The following ZNF652 variants were observed in gnomAD, a reference collection of about 807,000 sequenced individuals.
ZNF652 encodes the protein zinc finger protein 652.
ZNF652 carries 16 observed loss-of-function variants against 45.2 expected under a neutral mutation model. That is an observed-to-expected ratio of 0.35 (90% CI 0.24 to 0.54). ZNF652 has a LOEUF of 0.54. Among genes scored for constraint, ZNF652 ranks in the 20% least tolerant of loss-of-function variants. ZNF652 has a pLI of 0.91. For missense variants in ZNF652, 614 were observed against 765.6 expected (o/e 0.80, Z 2.34); for synonymous variants, 250 against 260.6 (o/e 0.96, Z 0.39).
At chr17:49,299,085 C>T (rs1488255597) in intron 5 of ZNF652, among the ~76,000 whole-genome samples, 161 bp from the exon 6 acceptor site, 17 of 151,110 alleles carry the variant, frequency 1.1e-4, no homozygotes, top group Admixed American at 8.6e-4. Flanking sequence ...CAAAGTGCTG[C>T]GATTACAGGT....
At chr17:49,337,197 G>A (rs2143868157) in intron 1 of ZNF652, among the ~76,000 whole-genome samples, 1 of 151,706 alleles carries the variant, frequency 6.6e-6, no homozygotes, top group East Asian at 1.9e-4. Flanking sequence ...TTAGCCAGGT[G>A]TGGTGGTGCA....
chr17:49,330,541 G>A (rs2070011974), intron 1 of ZNF652, among the ~76,000 whole-genome samples: 1 of 151,842 alleles, frequency 6.6e-6, no homozygotes, highest in Non-Finnish European at 1.5e-5. Context: ...TAGAGATGGG[G>A]TTTCACTATG....
chr17:49,341,929 T>C (rs2070151460), intron 1 of ZNF652, among the ~76,000 whole-genome samples: 1 of 152,164 alleles, frequency 6.6e-6, no homozygotes, highest in African/African-American at 2.4e-5. Flanking sequence ...CTCACGCCTG[T>C]AATCCCAGCA....
In ZNF652 at chr17:49,298,161, T is replaced by C. The variant is rs750710484; in HGVS notation, c.*252A>G. 3.1e-5 allele frequency: 16 copies of C among 518,724 alleles called. No homozygotes were observed. Among genetic ancestry groups the C allele is most frequent in the Non-Finnish European group, 5.1e-5 (15 of 293,620 alleles). 32.1% of individuals were successfully genotyped at this position (518,724 alleles called of 1,614,324 possible). Reference sequence around the variant, plus strand: ...CACAAGTCTGAGTATTTGAAACTTATAAAAGTCATCAGAAAATGCAAGCAA... The same window carrying C: ...CACAAGTCTGAGTATTTGAAACTTACAAAAGTCATCAGAAAATGCAAGCAA... On this transcript the variant is annotated 3_prime_UTR_variant, in exon 6 of 6. Coordinates refer to ENST00000430262, the MANE Select transcript of ZNF652 (RefSeq NM_001145365.3).
intron 1 of ZNF652, among the ~76,000 whole-genome samples, chr17:49,339,246 G>A (rs1413760019): frequency 7.7e-6 from 1 of 130,262 alleles, no homozygotes; most frequent in Non-Finnish European, 1.6e-5. Flanking sequence ...CTGTCGCCTA[G>A]GCTTGGAGTG....
At position 49,298,597 on chromosome 17, in the gene ZNF652, G is replaced by C; in HGVS notation, c.1637C>G (p.Pro546Arg). ...TGGGTGGATGTGCAGGTGTGAGAAGGGGTGGGGGATGGGCCGAGGGGGAAG... is the reference window on the plus strand; with the variant it reads ...TGGGTGGATGTGCAGGTGTGAGAAGCGGTGGGGGATGGGCCGAGGGGGAAG... ...STLPPRPIPHPFSHLHIHPHP... is the reference protein window; with the variant it reads ...STLPPRPIPHRFSHLHIHPHP... Residue 546 changes from proline (P) to arginine (R), a missense_variant, in exon 6 of 6, where the codon CCC (proline) becomes CGC (arginine). This residue lies in a region of ZNF652 where 132 missense variants were observed against 137.2 expected (regional missense o/e 0.96). Coordinates refer to ENST00000430262, the MANE Select transcript of ZNF652 (RefSeq NM_001145365.3). 1.2e-6 allele frequency: 2 copies of C among 1,612,896 alleles called. No homozygotes were observed. Among genetic ancestry groups the C allele is most frequent in the South Asian group, 1.1e-5 (1 of 90,964 alleles).
chr17:49,293,117 A>G lies in ZNF652; in HGVS notation c.*5296T>C, dbSNP rs1567907788. On this transcript the variant is annotated 3_prime_UTR_variant, in exon 6 of 6. Coordinates refer to ENST00000430262, the MANE Select transcript of ZNF652 (RefSeq NM_001145365.3). Reference sequence around the variant, plus strand: ...CAACTCCAGGAACCTGTGACCATACATATATTATTGAGTAATACATAGAGT... The same window carrying G: ...CAACTCCAGGAACCTGTGACCATACGTATATTATTGAGTAATACATAGAGT... 1.3e-5 allele frequency among the ~76,000 whole-genome samples: 2 copies of G among 152,356 alleles called. No individual in the cohort carries two copies. The highest frequency in any genetic ancestry group is 1.9e-4 in the East Asian group (1 of 5,192).
In ZNF652 at chr17:49,294,288, C is replaced by T. The variant is rs2069442814; in HGVS notation, c.*4125G>A. On this transcript the variant is annotated 3_prime_UTR_variant, in exon 6 of 6. Coordinates refer to ENST00000430262, the MANE Select transcript of ZNF652 (RefSeq NM_001145365.3). ...AACCACTAGAAAAGGATACTTCGAA[C>T]AAATGTGGTTTTAAAAAAATGATGT... Among the ~76,000 whole-genome samples the T allele has an allele frequency of 6.6e-6, 1 of 152,096 alleles. No homozygotes were observed. Among genetic ancestry groups the T allele is most frequent in the Admixed American group, 6.5e-5 (1 of 15,274 alleles).
At chr17:49,312,333 T>C (rs1014334942) in intron 3 of ZNF652, among the ~76,000 whole-genome samples, 1 of 151,908 alleles carries the variant, frequency 6.6e-6, no homozygotes, top group African/African-American at 2.4e-5. Flanking sequence ...GCCCAGCTAA[T>C]TTTTGTATTT....
chr17:49,340,924 GA>G (rs2070138601), intron 1 of ZNF652, among the ~76,000 whole-genome samples: 2 of 151,916 alleles, frequency 1.3e-5, no homozygotes, highest in Non-Finnish European at 2.9e-5. Context: ...ATATATAGAA[GA>G]AAAAGTATGG....
chr17:49,347,341 G>T (rs983747726), intron 1 of ZNF652, among the ~76,000 whole-genome samples: 1 of 152,202 alleles, frequency 6.6e-6, no homozygotes, highest in African/African-American at 2.4e-5. Flanking sequence ...ACGATGTGTG[G>T]ATTGCTTGAA....
intron 5 of ZNF652, among the ~76,000 whole-genome samples, chr17:49,308,571 G>A (rs1364619835): frequency 6.6e-6 from 1 of 152,158 alleles, no homozygotes; most frequent in Non-Finnish European, 1.5e-5. Flanking sequence ...GGAAGCTGAG[G>A]TAGGTGGATC....
rs960511713 is a variant in ZNF652 at position 49,290,683 on chromosome 17, A to T, written c.*7730T>A. ...ATCTGGGGATCATCAATATGTAAAA[A>T]GTCTAATTAATTAAGATGCCTGACC... On this transcript the variant is annotated 3_prime_UTR_variant, in exon 6 of 6. Coordinates refer to ENST00000430262, the MANE Select transcript of ZNF652 (RefSeq NM_001145365.3). 4.6e-5 allele frequency: 7 copies of T among 152,210 alleles called. No homozygotes were observed. Among genetic ancestry groups the T allele is most frequent in the Non-Finnish European group, 7.3e-5 (5 of 68,044 alleles). 9.4% of individuals were successfully genotyped at this position (152,210 alleles called of 1,614,324 possible). A position where few individuals can be genotyped will look rare whatever the true frequency, so the allele number is the denominator to read the frequency against.
chr17:49,353,402 T>G (rs980279511), intron 1 of ZNF652, among the ~76,000 whole-genome samples: 2 of 152,082 alleles, frequency 1.3e-5, no homozygotes, highest in African/African-American at 4.8e-5. Flanking sequence ...ACTCCTACAC[T>G]CAAGTGATCC....
chr17:49,320,511 T>G (rs1384120896), intron 1 of ZNF652, among the ~76,000 whole-genome samples: 1 of 152,258 alleles, frequency 6.6e-6, no homozygotes, highest in East Asian at 1.9e-4. Context: ...CTATTTCTAC[T>G]ATGACAAATG....
In ZNF652 at chr17:49,332,419, T is replaced by C. The variant is rs1339676101; in HGVS notation, c.-258-14436A>G. On this transcript the variant is annotated intron_variant, in intron 1 of 5. Transcript: ENST00000430262. ...AACATAGCCAACAGAAAAAGACAAATTGCTAACACACCTCTGCCTTTTCCT... is the reference window on the plus strand; with the variant it reads ...AACATAGCCAACAGAAAAAGACAAACTGCTAACACACCTCTGCCTTTTCCT... Among the ~76,000 whole-genome samples, 6 of 152,108 alleles carry C rather than the reference T, an allele frequency of 3.9e-5. No homozygotes were observed. The East Asian group carries it at 5.8e-4, about 15-fold the overall frequency.
Position 49,292,221 on chromosome 17 carries a change from T to C in ZNF652, c.*6192A>G, listed in dbSNP as rs963733055. 6.6e-6 allele frequency among the ~76,000 whole-genome samples: 1 copy of C among 152,178 alleles called. No individual in the cohort carries two copies. The highest frequency in any genetic ancestry group is 1.5e-5 in the Non-Finnish European group (1 of 68,040). On this transcript the variant is annotated 3_prime_UTR_variant, in exon 6 of 6. Coordinates refer to ENST00000430262, the MANE Select transcript of ZNF652 (RefSeq NM_001145365.3). ...TCCTCATTTGAAAGAGTTCTTTTTT[T>C]TTTTCCTTTTTCTCCAGTTTTGGAG...
At chr17:49,331,121 CT>C (rs1291833601) in intron 1 of ZNF652, among the ~76,000 whole-genome samples, 1,649 of 115,690 alleles carry the variant, frequency 0.014, 10 homozygotes, top group Middle Eastern at 0.028. Flanking sequence ...ATGAATGTGT[CT>C]TTTTTTTTTT....
chr17:49,309,306 ATATGGTGAAAC>A (rs2069675010), intron 5 of ZNF652, among the ~76,000 whole-genome samples: 1 of 146,348 alleles, frequency 6.8e-6, no homozygotes, highest in African/African-American at 2.5e-5. Context: ...AACCTCATCA[ATATGGTGAAAC>A]CCTGTCTCTA....
Sources: allele counts gnomAD v4.1 joint callset (sites outside exome capture counted in the v4.1 genomes callset), GRCh38; gene constraint gnomAD v4.1.1; regional missense constraint gnomAD v4.1.1; transcripts MANE v1.5; gene names NCBI Gene and HGNC (gene_info 2026-07-23, HGNC 2026-07-21).